The following ANKRD18A variants were observed in gnomAD, a reference collection of about 807,000 sequenced individuals.
The protein encoded by ANKRD18A is ankyrin repeat domain-containing protein 18A.
ANKRD18A carries 72 observed loss-of-function variants against 110.6 expected under a neutral mutation model. The ratio of observed to expected loss-of-function variants is 0.65; its 90% CI spans 0.54 to 0.79. ANKRD18A has a LOEUF of 0.79. ANKRD18A is among the 30% of genes least tolerant of loss of function. The pLI is 0.00. For missense variants in ANKRD18A, 934 were observed against 1,163.3 expected, an observed-to-expected ratio of 0.80 and a Z score of 2.87; for synonymous variants, 305 against 410.3, an observed-to-expected ratio of 0.74 and a Z score of 3.10.
downstream of ANKRD18A, chr9:38,569,461 G>T (rs999148066): frequency 2.1e-6 from 2 of 974,718 alleles, no homozygotes; most frequent in Middle Eastern, 5.3e-4. Context: ...AATCCTTCAT[G>T]CAGAGCCACT....
In ANKRD18A at chr9:38,577,351, C is replaced by T. The variant is rs200082378; in HGVS notation, c.2530-87G>A. On this transcript the variant is annotated intron_variant, in intron 13 of 15. Transcript: ENST00000399703. Reference sequence around the variant, plus strand: ...TGCCTTTCATTTTGAATCAGTGATTCGAAGAGCAATTTTGAGTATGTTGAA... The same window carrying T: ...TGCCTTTCATTTTGAATCAGTGATTTGAAGAGCAATTTTGAGTATGTTGAA... 444 of 1,344,354 alleles carry T rather than the reference C, an allele frequency of 3.3e-4. 1 individual carries two copies. In the East Asian group the frequency reaches 0.011, roughly 32 times the overall value. The allele number at this position is 1,344,354 out of a possible 1,614,324, so 83.3% of individuals were successfully genotyped here. A position where few individuals can be genotyped will look rare whatever the true frequency, so the allele number is the denominator to read the frequency against.
chr9:38,569,461 G>A, downstream of ANKRD18A: 1 of 974,718 alleles, frequency 1.0e-6, no homozygotes, highest in Non-Finnish European at 1.2e-6. Context: ...AATCCTTCAT[G>A]CAGAGCCACT....
chr9:38,592,872 C>T (rs1278033713), intron 10 of ANKRD18A, among the ~76,000 whole-genome samples: 2 of 152,100 alleles, frequency 1.3e-5, no homozygotes, highest in Non-Finnish European at 2.9e-5. Flanking sequence ...AATATGCAGA[C>T]CATGCAAATC....
chr9:38,587,111 A>G (rs1481681569), intron 11 of ANKRD18A, among the ~76,000 whole-genome samples: 2 of 152,214 alleles, frequency 1.3e-5, no homozygotes, highest in Non-Finnish European at 2.9e-5. Context: ...AAAGAGAAGA[A>G]AACATCTTTA....
At chr9:38,596,482 T>G in intron 8 of ANKRD18A, 79 bp from the exon 9 acceptor site, 1 of 1,221,450 alleles carries the variant, frequency 8.2e-7, no homozygotes, top group African/African-American at 1.6e-5. Context: ...GAAAGAGCAA[T>G]CTATACATTC....
intron 4 of ANKRD18A, among the ~76,000 whole-genome samples, chr9:38,610,841 C>T (rs2118869806): frequency 6.9e-6 from 1 of 144,370 alleles, no homozygotes; most frequent in Admixed American, 6.9e-5. Flanking sequence ...ACAGCATCAA[C>T]AACAACAGCA....
intron 1 of ANKRD18A, among the ~76,000 whole-genome samples, chr9:38,617,543 C>T (rs1825909336): frequency 6.6e-6 from 1 of 152,108 alleles, no homozygotes; most frequent in Non-Finnish European, 1.5e-5. Flanking sequence ...CTTAGATTTA[C>T]AGAATATATG....
intron 12 of ANKRD18A, among the ~76,000 whole-genome samples, chr9:38,582,300 T>C (rs892053362): frequency 3.9e-5 from 6 of 152,206 alleles, no homozygotes; most frequent in Admixed American, 2.6e-4. Context: ...AAAGAAATAG[T>C]GTGTCTCGTA....
chr9:38,580,888 A>G (rs1189972543), intron 12 of ANKRD18A, among the ~76,000 whole-genome samples: 1 of 151,690 alleles, frequency 6.6e-6, no homozygotes, highest in Non-Finnish European at 1.5e-5. Flanking sequence ...CCAGATTGTG[A>G]GAGAGATCAG....
chr9:38,613,220 G>A lies in ANKRD18A; in HGVS notation c.496-1899C>T, dbSNP rs565264388. Among the ~76,000 whole-genome samples, 161 of 150,596 alleles carry A rather than the reference G, an allele frequency of 1.1e-3. 1 individual carries two copies. The highest frequency in any genetic ancestry group is 3.1e-3 in the African/African-American group (129 of 41,362). ...GCCTCCTACCCAGGGCAACCTCTGCGCAGCAGACCAAGCAGTGATGTGGTT... is the reference window on the plus strand; with the variant it reads ...GCCTCCTACCCAGGGCAACCTCTGCACAGCAGACCAAGCAGTGATGTGGTT... On this transcript the variant is annotated intron_variant, in intron 3 of 15. Transcript: ENST00000399703.
chr9:38,574,581 T>C (rs1022187241), intron 15 of ANKRD18A, among the ~76,000 whole-genome samples: 3 of 151,954 alleles, frequency 2.0e-5, no homozygotes, highest in African/African-American at 4.8e-5. Flanking sequence ...CCTCCCAAAA[T>C]GCTGGGATTA....
intron 9 of ANKRD18A, 113 bp from the exon 10 acceptor site, chr9:38,594,022 T>C (rs1824767329): frequency 5.3e-6 from 6 of 1,122,524 alleles, no homozygotes; most frequent in Non-Finnish European, 7.2e-6. Context: ...ACAGATTCAC[T>C]TTCTTTTCCT....
At chr9:38,614,847 G>A (rs951736572) in intron 3 of ANKRD18A, among the ~76,000 whole-genome samples, 7 of 152,162 alleles carry the variant, frequency 4.6e-5, no homozygotes, top group African/African-American at 1.7e-4. Flanking sequence ...CTAAGTTGCT[G>A]TTTTTGCCGG....
downstream of ANKRD18A, chr9:38,567,037 G>C (rs1179164113): frequency 6.6e-6 from 1 of 152,198 alleles, no homozygotes. Context: ...ATCCACAGCA[G>C]GCTTTATCCA....
chr9:38,584,791 T>C (rs925340759), intron 12 of ANKRD18A, among the ~76,000 whole-genome samples: 2 of 152,212 alleles, frequency 1.3e-5, no homozygotes, highest in African/African-American at 2.4e-5. Context: ...GAGATTTATA[T>C]TGAGGAGCAA....
intron 8 of ANKRD18A, among the ~76,000 whole-genome samples, chr9:38,599,422 T>G (rs1319203833): frequency 6.6e-6 from 1 of 152,186 alleles, no homozygotes; most frequent in African/African-American, 2.4e-5. Context: ...AATTCTGGAT[T>G]TTTCAAAACT....
chr9:38,571,976 T>A lies in ANKRD18A; in HGVS notation c.*69A>T. The A allele has an allele frequency of 6.6e-7, 1 of 1,520,572 alleles. No individual in the cohort carries two copies. The highest frequency in any genetic ancestry group is 1.2e-5 in the South Asian group (1 of 80,498). The allele number at this position is 1,520,572 out of a possible 1,614,324, so 94.2% of individuals were successfully genotyped here. On this transcript the variant is annotated 3_prime_UTR_variant, in exon 16 of 16. Transcript: ENST00000399703. ...CATACAACTTTTCCTTAAGATTTTA[T>A]GGTTAATCTCTTCATTAGATGTGGC...
At chr9:38,616,724 G>T (rs1177024967) in intron 1 of ANKRD18A, among the ~76,000 whole-genome samples, 2 of 152,076 alleles carry the variant, frequency 1.3e-5, no homozygotes, top group Non-Finnish European at 2.9e-5. Context: ...CCAAAGTTCT[G>T]GAATGACAGG....
chr9:38,568,513 C>T (rs1254081549), downstream of ANKRD18A: 2 of 163,734 alleles, frequency 1.2e-5, no homozygotes, highest in Non-Finnish European at 2.5e-5. Flanking sequence ...TTCCTCAGGC[C>T]TCTGCTCCAT....
Sources: allele counts gnomAD v4.1 joint callset (sites outside exome capture counted in the v4.1 genomes callset), GRCh38; gene constraint gnomAD v4.1.1; transcripts MANE v1.5; gene names NCBI Gene and HGNC (gene_info 2026-07-23, HGNC 2026-07-21).